Variants in LTBP1 observed in about 807,000 individuals in gnomAD.
The protein encoded by LTBP1 is latent-transforming growth factor beta-binding protein 1.
In LTBP1, 129 loss-of-function variants were observed where a neutral mutation model predicts 207.6. The ratio of observed to expected loss-of-function variants is 0.62; its 90% confidence interval spans 0.54 to 0.72. LTBP1 has a LOEUF of 0.72. Ranked by LOEUF, LTBP1 falls within the 30% of genes least tolerant of loss-of-function variation. The pLI is 0.00. For missense variants in LTBP1, 2,281 were observed against 2,217.2 expected (o/e 1.03, Z -0.58); for synonymous variants, 963 against 833.7 (o/e 1.16, Z -2.67).
intron 26 of LTBP1, among the ~76,000 whole-genome samples, chr2:33,359,325 T>C (rs1013630131): frequency 7.2e-5 from 11 of 152,224 alleles, no homozygotes; most frequent in African/African-American, 2.2e-4. Flanking sequence ...CGGATAGAAT[T>C]TTATGAGTTT....
Position 33,205,960 on chromosome 2 carries a change from C to A in LTBP1, c.1702-11592C>A, listed in dbSNP as rs533142504. Among the ~76,000 whole-genome samples the A allele has an allele frequency of 5.3e-5, 8 of 152,186 alleles. No individual in the cohort carries two copies. In the East Asian group the frequency reaches 1.5e-3, roughly 29 times the overall value. On this transcript the variant is annotated intron_variant, in intron 7 of 33. Transcript: ENST00000404816. ...GAGGAGGGGCCTCACCAAAAATCCA[C>A]CATGTTGGTACCATAATCTTGGGTT...
intron 7 of LTBP1, among the ~76,000 whole-genome samples, chr2:33,197,493 A>G (rs2088692832): frequency 1.3e-5 from 2 of 152,216 alleles, no homozygotes; most frequent in Non-Finnish European, 2.9e-5. Flanking sequence ...CAAGTTTCAG[A>G]AAATACCCCT....
chr2:33,050,819 C>T (rs1449569375), intron 3 of LTBP1, among the ~76,000 whole-genome samples: 6 of 151,870 alleles, frequency 4.0e-5, no homozygotes, highest in Middle Eastern at 3.4e-3. Flanking sequence ...CTGCAACCTC[C>T]GCCTCCCGGG....
intron 2 of LTBP1, among the ~76,000 whole-genome samples, chr2:32,975,955 G>T (rs992586467): frequency 6.6e-6 from 1 of 152,164 alleles, no homozygotes; most frequent in African/African-American, 2.4e-5. Context: ...TTGTGTGGTT[G>T]TTTGGAGGTA....
In LTBP1 at chr2:33,173,349, A is replaced by G. The variant is rs1261848145; in HGVS notation, c.1202-13507A>G. Among the ~76,000 whole-genome samples the G allele has an allele frequency of 1.2e-4, 19 of 152,176 alleles. No homozygotes were observed. The South Asian group carries it at 3.5e-3, about 28-fold the overall frequency. On this transcript the variant is annotated intron_variant, in intron 5 of 33. Coordinates refer to ENST00000404816, the MANE Select transcript of LTBP1 (RefSeq NM_206943.4). ...TCACCACCGATCCCACAGAAATACAAACTACCATCAGAGAATACTACAAAC... is the reference window on the plus strand; with the variant it reads ...TCACCACCGATCCCACAGAAATACAGACTACCATCAGAGAATACTACAAAC...
At chr2:33,228,293 T>C (rs965732650) in intron 9 of LTBP1, among the ~76,000 whole-genome samples, 4 of 152,240 alleles carry the variant, frequency 2.6e-5, no homozygotes, top group Non-Finnish European at 4.4e-5. Context: ...CCAGATGCTT[T>C]GTTTAATAAG....
intron 3 of LTBP1, among the ~76,000 whole-genome samples, chr2:33,025,348 C>T (rs879851283): frequency 3.9e-5 from 6 of 152,056 alleles, no homozygotes; most frequent in Admixed American, 6.5e-5. Context: ...TGAAGATTAA[C>T]GGTAATATAA....
chr2:33,300,804 A>G (rs774066719), intron 21 of LTBP1, among the ~76,000 whole-genome samples: 1 of 152,232 alleles, frequency 6.6e-6, no homozygotes, highest in Non-Finnish European at 1.5e-5. Context: ...ATTAGTATTA[A>G]GAAGAAAAAT....
At chr2:33,030,011 A>G (rs2075617678) in intron 3 of LTBP1, among the ~76,000 whole-genome samples, 1 of 152,170 alleles carries the variant, frequency 6.6e-6, no homozygotes, top group Admixed American at 6.5e-5. Flanking sequence ...CTGTAGACAC[A>G]GAATTTATTT....
At chr2:33,030,405 C>A (rs957158124) in intron 3 of LTBP1, among the ~76,000 whole-genome samples, 5 of 152,166 alleles carry the variant, frequency 3.3e-5, no homozygotes, top group Non-Finnish European at 5.9e-5. Flanking sequence ...ATTCCTCTTT[C>A]ATTCCTGTGG....
intron 3 of LTBP1, among the ~76,000 whole-genome samples, chr2:33,074,132 G>A (rs1175353852): frequency 6.6e-6 from 1 of 152,190 alleles, no homozygotes; most frequent in Non-Finnish European, 1.5e-5. Flanking sequence ...TTGAGATGTT[G>A]ATTATATTTG....
intron 4 of LTBP1, among the ~76,000 whole-genome samples, chr2:33,124,520 G>C (rs1373002438): frequency 1.3e-5 from 2 of 152,226 alleles, no homozygotes. Flanking sequence ...CAATCAGGTT[G>C]TATGTGGAAA....
chr2:33,091,497 A>G (rs1461306677), intron 3 of LTBP1, among the ~76,000 whole-genome samples: 1 of 152,158 alleles, frequency 6.6e-6, no homozygotes. Context: ...TCCAAGGTCA[A>G]CATCTGTACT....
intron 3 of LTBP1, among the ~76,000 whole-genome samples, chr2:33,066,218 G>A (rs2077501372): frequency 6.6e-6 from 1 of 151,752 alleles, no homozygotes; most frequent in Non-Finnish European, 1.5e-5. Context: ...TATGGTTTTT[G>A]GCCCTAACAT....
chr2:33,175,533 G>C (rs868581609), intron 5 of LTBP1, among the ~76,000 whole-genome samples: 1 of 152,216 alleles, frequency 6.6e-6, no homozygotes. Context: ...TGGAGAAACA[G>C]GAAAGCTTTT....
chr2:33,388,001 A>G (rs1387991035), intron 31 of LTBP1, among the ~76,000 whole-genome samples: 1 of 152,184 alleles, frequency 6.6e-6, no homozygotes, highest in Non-Finnish European at 1.5e-5. Flanking sequence ...CCAGAATTTC[A>G]CCAACTGCTA....
intron 2 of LTBP1, among the ~76,000 whole-genome samples, chr2:32,984,934 A>AAAAC (rs1683315922): frequency 1.3e-5 from 2 of 150,498 alleles, no homozygotes; most frequent in Admixed American, 6.6e-5. Context: ...TCTGTTTCAA[A>AAAAC]AAAACAAAAC....
intron 5 of LTBP1, among the ~76,000 whole-genome samples, chr2:33,173,774 G>A (rs1377902972): frequency 2.1e-5 from 3 of 140,642 alleles, no homozygotes; most frequent in Admixed American, 7.3e-5. Context: ...CTGGCAAACC[G>A]AATCCAGCAG....
intron 3 of LTBP1, among the ~76,000 whole-genome samples, chr2:33,052,815 A>G (rs751633184): frequency 2.0e-5 from 3 of 151,716 alleles, no homozygotes; most frequent in Non-Finnish European, 2.9e-5. Context: ...AAATTGTTCC[A>G]TCTTTAGTCA....
Sources: allele counts gnomAD v4.1 joint callset (sites outside exome capture counted in the v4.1 genomes callset), GRCh38; gene constraint gnomAD v4.1.1; transcripts MANE v1.5; gene names NCBI Gene and HGNC (gene_info 2026-07-23, HGNC 2026-07-21).